Variants in MYH14 observed in about 807,000 individuals in gnomAD.
MYH14 encodes the protein myosin heavy chain 14, also known as myosin-14.
Under a neutral mutation model 255.5 loss-of-function variants are expected in MYH14, and 123 were observed. That is an observed-to-expected ratio of 0.48 (90% confidence interval 0.42 to 0.56). The LOEUF (loss-of-function observed/expected upper bound fraction) is 0.56. Ranked by LOEUF, MYH14 falls within the 20% of genes least tolerant of loss-of-function variation. MYH14 has a pLI of 0.00. For synonymous variants in MYH14, 1,095 were observed against 1,161.2 expected, an observed-to-expected ratio of 0.94 and a Z score of 1.16; for missense variants, 2,423 against 2,802.3, an observed-to-expected ratio of 0.86 and a Z score of 3.06.
At chr19:50,260,844 T>TGC in intron 20 of MYH14, 129 bp downstream of exon 20, 1 of 712,966 alleles carries the variant, frequency 1.4e-6, no homozygotes, top group Non-Finnish European at 2.5e-6. Flanking sequence ...TGCACGTGTG[T>TGC]GCGTGTGTGT....
At chr19:50,265,349 C>CAAAA (rs768369689) in intron 22 of MYH14, among the ~76,000 whole-genome samples, 2 of 96,562 alleles carry the variant, frequency 2.1e-5, no homozygotes, top group African/African-American at 6.8e-5. Context: ...CTCATCTCTA[C>CAAAA]AAAAAAAAAA....
In MYH14 at chr19:50,230,654, C is replaced by G. The variant is rs2033332018; in HGVS notation, c.973+31C>G. The G allele has an allele frequency of 1.9e-6, 3 of 1,539,158 alleles. No homozygotes were observed. The East Asian group carries it at 7.3e-5, about 38-fold the overall frequency. On this transcript the variant is annotated intron_variant, in intron 9 of 42. Transcript: ENST00000642316. The surrounding 1 kb of genome is among the most constrained non-coding windows in gnomAD (Gnocchi z 4.7). Reference sequence around the variant, plus strand: ...TGCCGCCCCGTCCTACCCTGCTCACCCGGGAGAGGGTGGGCACCATGTCTC... The same window carrying G: ...TGCCGCCCCGTCCTACCCTGCTCACGCGGGAGAGGGTGGGCACCATGTCTC...
chr19:50,276,827 G>T lies in MYH14; in HGVS notation c.3751G>T (p.Ala1251Ser), dbSNP rs1172189478. ...LEEETRIHEA[A>S]VQELRQRHGQ... The stretch of plus-strand genomic sequence containing the variant: ...GGAGGAGACTCGCATCCACGAGGCG[G>T]CAGTGCAGGAGCTGAGGCAGCGCCA... The change falls in exon 29 of 43, where the codon GCA becomes TCA. Residue 1251 changes from alanine to serine, a missense_variant. Coordinates refer to ENST00000642316, the MANE Select transcript of MYH14 (RefSeq NM_001145809.2). The surrounding 1 kb of genome is among the most constrained non-coding windows in gnomAD (Gnocchi z 4.3). The T allele has an allele frequency of 6.2e-7, 1 of 1,612,988 alleles. No individual in the cohort carries two copies. The highest frequency in any genetic ancestry group is 8.5e-7 in the Non-Finnish European group (1 of 1,179,850).
At chr19:50,239,892 T>C (rs1422118599) in intron 10 of MYH14, among the ~76,000 whole-genome samples, 1 of 152,144 alleles carries the variant, frequency 6.6e-6, no homozygotes, top group Admixed American at 6.5e-5. Flanking sequence ...AAGTACAGTA[T>C]ACACACCAAT....
At position 50,309,291 on chromosome 19, in the gene MYH14, G is replaced by T. The variant is rs546472707; in HGVS notation, c.5960+114G>T. ...ACAGGGGGAAATGGGATCCACGGGG[G>T]TGTGGGGCTGTGGGAGCAGCGGCTG... On this transcript the variant is annotated intron_variant, in intron 42 of 42. Coordinates refer to ENST00000642316, the MANE Select transcript of MYH14 (RefSeq NM_001145809.2). 4.7e-6 allele frequency: 5 copies of T among 1,055,560 alleles called. No homozygotes were observed. The African/African-American group carries it at 6.2e-5, about 13-fold the overall frequency. The allele number at this position is 1,055,560 out of a possible 1,614,324, so 65.4% of individuals were successfully genotyped here. A position where few individuals can be genotyped will look rare whatever the true frequency, so the allele number is the denominator to read the frequency against.
rs927581263 is a variant in MYH14 at position 50,231,964 on chromosome 19, G to T, written c.1008G>T (p.Arg336=). 3 of 1,613,816 alleles carry T rather than the reference G, an allele frequency of 1.9e-6. No homozygotes were observed. The highest frequency in any genetic ancestry group is 2.7e-5 in the African/African-American group (2 of 74,936). The change falls in exon 10 of 43, where the codon CGG becomes CGT. Residue 336 remains arginine, a synonymous_variant. Transcript: ENST00000642316. ...TCCTCGAGCCCTGCTCCCACTACCGGTTCCTGACCAACGGGCCGTCATCCT... is the reference window on the plus strand; with the variant it reads ...TCCTCGAGCCCTGCTCCCACTACCGTTTCCTGACCAACGGGCCGTCATCCT... ...DLLLEPCSHY[R]FLTNGPSSSP...
intron 3 of MYH14, among the ~76,000 whole-genome samples, chr19:50,218,415 T>G (rs949482259): frequency 1.3e-5 from 2 of 151,720 alleles, no homozygotes; most frequent in African/African-American, 2.4e-5. Flanking sequence ...GCTAACACGG[T>G]GAAACCCCGT....
In MYH14 at chr19:50,289,448, G is replaced by A. The variant is rs908295153; in HGVS notation, c.4765G>A (p.Glu1589Lys). 3.7e-6 allele frequency: 6 copies of A among 1,608,920 alleles called. No homozygotes were observed. The highest frequency in any genetic ancestry group is 2.2e-5 in the South Asian group (2 of 89,872). ...CTCTCCCCACCAGGTGCATGAGCTG[G>A]AACGAGCCTGCCGGGTAGCAGAACA... ...DDVGKSVHEL[E>K]RACRVAEQAA... Residue 1589 changes from glutamate to lysine, a missense_variant, in exon 35 of 43, where the codon GAA becomes AAA. By Grantham distance (56) the Glu-to-Lys change is moderately conservative. Coordinates refer to ENST00000642316, the MANE Select transcript of MYH14 (RefSeq NM_001145809.2).
chr19:50,282,632 G>C (rs1460346354), intron 33 of MYH14, among the ~76,000 whole-genome samples: 1 of 152,192 alleles, frequency 6.6e-6, no homozygotes, highest in African/African-American at 2.4e-5. Flanking sequence ...GAACTGGAAA[G>C]GCGGAGGTTG....
At chr19:50,246,721 AG>A (rs1243777248) in intron 11 of MYH14, among the ~76,000 whole-genome samples, 1 of 152,206 alleles carries the variant, frequency 6.6e-6, no homozygotes, top group Non-Finnish European at 1.5e-5. Context: ...TTGGGCACTG[AG>A]GTTGTTTCCT....
intron 24 of MYH14, 91 bp downstream of exon 24, chr19:50,268,458 C>T (rs1281332603): frequency 7.3e-7 from 1 of 1,365,782 alleles, no homozygotes; most frequent in Non-Finnish European, 9.9e-7. Flanking sequence ...TGTCTTTGGG[C>T]CATGAATTTG....
At chr19:50,308,933 G>A in intron 41 of MYH14, 72 bp from the exon 42 acceptor site, 1 of 1,431,356 alleles carries the variant, frequency 7.0e-7, no homozygotes. Context: ...TGGGGCAGTA[G>A]TGGGCTGTTG....
At chr19:50,218,755 AC>A (rs1330857054) in intron 3 of MYH14, among the ~76,000 whole-genome samples, 2 of 151,104 alleles carry the variant, frequency 1.3e-5, no homozygotes, top group African/African-American at 2.4e-5. Flanking sequence ...ATCCCTCACC[AC>A]CCCCCACTAC....
At chr19:50,289,413 C>T (rs1430589305) in intron 34 of MYH14, 23 bp from the exon 35 acceptor site, 1 of 1,586,190 alleles carries the variant, frequency 6.3e-7, no homozygotes, top group Admixed American at 1.8e-5. Context: ...ACCCAGGTAC[C>T]CAGCAGCTAC....
At position 50,226,978 on chromosome 19, in the gene MYH14, C is replaced by T. The variant is rs938517524; in HGVS notation, c.874+12C>T. The T allele has an allele frequency of 3.7e-6, 6 of 1,613,536 alleles. No homozygotes were observed. The African/African-American group carries it at 6.7e-5, about 18-fold the overall frequency. On this transcript the variant is annotated intron_variant, in intron 8 of 42. Coordinates refer to ENST00000642316, the MANE Select transcript of MYH14 (RefSeq NM_001145809.2). ...CAACATTGAGACCTGTATCCTCTCA[C>T]AGCCCATGGGGGTGGCAGCCAAGGG...
intron 29 of MYH14, among the ~76,000 whole-genome samples, chr19:50,277,409 C>A (rs951288164): frequency 1.3e-5 from 2 of 152,002 alleles, no homozygotes; most frequent in South Asian, 2.1e-4. Context: ...AGTTCGAGAC[C>A]AGCCTGGGCA....
Position 50,272,711 on chromosome 19 carries a change from G to A in MYH14, c.3447G>A (p.Glu1149=). Residue 1149 remains glutamate, a synonymous_variant, in exon 27 of 43, where the codon GAG becomes GAA. Transcript: ENST00000642316. ...LRAQLGRKEE[E]LQAALARAED... ...CCCAGCTGGGCCGGAAGGAGGAGGA[G>A]CTGCAGGCTGCCCTGGCCAGGTGCA... 6.4e-7 allele frequency: 1 copy of A among 1,551,144 alleles called. No homozygotes were observed. The highest frequency in any genetic ancestry group is 1.4e-5 in the African/African-American group (1 of 73,172).
intron 39 of MYH14, among the ~76,000 whole-genome samples, chr19:50,300,994 G>A (rs117143947): frequency 0.014 from 2,166 of 151,890 alleles, 24 homozygotes; most frequent in Non-Finnish European, 0.023. Context: ...TAATTACCCA[G>A]TCATTGTGTC....
chr19:50,300,951 TA>T (rs34175711), intron 39 of MYH14, among the ~76,000 whole-genome samples: 159 of 142,596 alleles, frequency 1.1e-3, no homozygotes, highest in Admixed American at 1.5e-3. Context: ...TTTTTTAAGT[TA>T]AAAAAAAAAA....
Sources: gnomAD v4.1 joint callset for allele counts (sites outside exome capture counted in the v4.1 genomes callset) on GRCh38, gnomAD v4.1.1 for gene constraint, Gnocchi (gnomAD v3.1) non-coding constraint, MANE v1.5 for transcripts, NCBI Gene and HGNC (gene_info 2026-07-23, HGNC 2026-07-21) for gene names.